Variants in MATR3 observed in about 807,000 individuals in gnomAD.
The protein encoded by MATR3 is matrin 3, also known as matrin-3.
In MATR3, 4 loss-of-function variants were observed where a neutral mutation model predicts 85.5. The observed-to-expected ratio is 0.05, with a 90% CI of 0.02 to 0.11. The LOEUF is 0.11. MATR3 is among the 10% of genes least tolerant of loss of function. MATR3 has a pLI of 1.00. For missense variants in MATR3, 685 were observed against 1,016.1 expected, an observed-to-expected ratio of 0.67 and a Z score of 4.43; for synonymous variants, 336 against 343.1, an observed-to-expected ratio of 0.98 and a Z score of 0.23.
intron 1 of MATR3, among the ~76,000 whole-genome samples, chr5:139,300,900 G>A (rs1468950453): frequency 1.3e-5 from 2 of 152,070 alleles, no homozygotes; most frequent in Non-Finnish European, 2.9e-5. Flanking sequence ...TGCAACCTCC[G>A]TCTTCTGGGT....
intron 9 of MATR3, among the ~76,000 whole-genome samples, chr5:139,319,838 C>A (rs1485582227): frequency 3.5e-5 from 5 of 141,712 alleles, no homozygotes; most frequent in Admixed American, 7.0e-5. Flanking sequence ...AGCGAGACTC[C>A]CAACTCAAAA....
Position 139,317,102 on chromosome 5 carries a change from A to G in MATR3, c.1179A>G (p.Arg393=), listed in dbSNP as rs747566193. Residue 393 remains arginine (R), a synonymous_variant, in exon 6 of 15, where the codon AGA becomes AGG. Coordinates refer to ENST00000394805, the MANE Select transcript of MATR3 (RefSeq NM_018834.6). ...GACCTAGACACATGCAGAAAGGCAGAGTGGTCAGTAATGAAGCTTTTGGTT... is the reference window on the plus strand; with the variant it reads ...GACCTAGACACATGCAGAAAGGCAGGGTGGTCAGTAATGAAGCTTTTGGTT... The part of the protein sequence containing the change: ...LQGPRHMQKG[R]VETSRVVHIM... 1.2e-6 allele frequency: 2 copies of G among 1,613,898 alleles called. No homozygotes were observed. Among genetic ancestry groups the G allele is most frequent in the Non-Finnish European group, 1.7e-6 (2 of 1,179,914 alleles).
In MATR3 at chr5:139,330,851, G is replaced by A. The variant is rs370405215; in HGVS notation, c.*1456G>A. On this transcript the variant is annotated 3_prime_UTR_variant, in exon 15 of 15. Transcript: ENST00000394805. Reference sequence around the variant, plus strand: ...CTCACTCTGTCACCCAGACTGGAGTGCAGTGGCACAGTTCTCTGCAACCTC... The same window carrying A: ...CTCACTCTGTCACCCAGACTGGAGTACAGTGGCACAGTTCTCTGCAACCTC... 1 of 454,070 alleles carries A rather than the reference G, an allele frequency of 2.2e-6. No individual in the cohort carries two copies. The highest frequency in any genetic ancestry group is 6.9e-5 in the East Asian group (1 of 14,402). 28.1% of individuals were successfully genotyped at this position (454,070 alleles called of 1,614,324 possible). A position where few individuals can be genotyped will look rare whatever the true frequency, so the allele number is the denominator to read the frequency against.
intron 5 of MATR3, among the ~76,000 whole-genome samples, chr5:139,316,718 T>C (rs1755263633): frequency 6.6e-6 from 1 of 152,098 alleles, no homozygotes; most frequent in African/African-American, 2.4e-5. Flanking sequence ...CCCAGCTAAT[T>C]TTTATATTTT....
intron 2 of MATR3, chr5:139,314,444 G>T (rs776301161): frequency 2.1e-6 from 1 of 479,744 alleles, no homozygotes; most frequent in Non-Finnish European, 3.8e-6. Flanking sequence ...TAAGTATGTT[G>T]ACAAGTTAAT....
chr5:139,289,240 A>G (rs1465816764), upstream of MATR3, among the ~76,000 whole-genome samples: 2 of 152,208 alleles, frequency 1.3e-5, no homozygotes, highest in African/African-American at 4.8e-5. Context: ...TTGCAGTTCC[A>G]CTTTCACAAT....
rs1253694869 is a variant in MATR3 at position 139,319,353 on chromosome 5, A to G, written c.1454A>G (p.Asp485Gly). ...TTAAAGAAACCTGAAGGAAAGCCAGATCAGAAGTTTGATCAAAAGCAAGAG... is the reference window on the plus strand; with the variant it reads ...TTAAAGAAACCTGAAGGAAAGCCAGGTCAGAAGTTTGATCAAAAGCAAGAG... ...KRIKKPEGKP[D>G]QKFDQKQELG... is the part of the protein sequence containing the mutation. Residue 485 changes from aspartate (D) to glycine (G), a missense_variant, in exon 9 of 15, where the codon GAT (aspartate) becomes GGT (glycine). By Grantham distance (94) the Asp-to-Gly change is moderately conservative. Transcript: ENST00000394805. The G allele has an allele frequency of 6.2e-7, 1 of 1,614,174 alleles. No homozygotes were observed. Among genetic ancestry groups the G allele is most frequent in the Non-Finnish European group, 8.5e-7 (1 of 1,180,044 alleles).
intron 10 of MATR3, 35 bp from the exon 11 acceptor site, chr5:139,322,428 A>G: frequency 6.3e-7 from 1 of 1,575,752 alleles, no homozygotes; most frequent in South Asian, 1.1e-5. Context: ...GTATTCTGCA[A>G]ATGTGTTAAC....
intron 3 of MATR3, among the ~76,000 whole-genome samples, chr5:139,282,150 G>C (rs980712648): frequency 6.6e-6 from 1 of 152,198 alleles, no homozygotes. Context: ...CTTAAAAAGA[G>C]TGACAATGAC....
chr5:139,301,509 TG>T (rs977446956), intron 1 of MATR3, among the ~76,000 whole-genome samples: 2 of 151,962 alleles, frequency 1.3e-5, no homozygotes, highest in African/African-American at 2.4e-5. Context: ...TTAGTAGAGA[TG>T]GGGTTTCAGC....
At chr5:139,313,475 C>G (rs79112904) in intron 2 of MATR3, 1 of 152,226 alleles carries the variant, frequency 6.6e-6, no homozygotes, top group Non-Finnish European at 1.5e-5. Context: ...AGATTCACAT[C>G]TTTGTAATTT....
chr5:139,276,980 CAGT>C (rs1198819874), intron 2 of MATR3, among the ~76,000 whole-genome samples: 1 of 152,110 alleles, frequency 6.6e-6, no homozygotes, highest in Non-Finnish European at 1.5e-5. Context: ...TTTGGGCTGA[CAGT>C]ATATTTGCTT....
Position 139,294,372 on chromosome 5 carries a change from C to T in MATR3, c.-178+567C>T, listed in dbSNP as rs577638841. Reference sequence around the variant, plus strand: ...GGAGGATTTCGCAGACTCTGAAGAGCCTGCTTGTTTGAGCAGCGTTTCTTT... The same window carrying T: ...GGAGGATTTCGCAGACTCTGAAGAGTCTGCTTGTTTGAGCAGCGTTTCTTT... On this transcript the variant is annotated intron_variant, in intron 1 of 14. Coordinates refer to ENST00000394805, the MANE Select transcript of MATR3 (RefSeq NM_018834.6). 7.9e-5 allele frequency among the ~76,000 whole-genome samples: 12 copies of T among 152,220 alleles called. No homozygotes were observed. In the East Asian group the frequency reaches 9.7e-4, roughly 12 times the overall value.
At chr5:139,311,144 A>G (rs1368562290) in intron 2 of MATR3, 2 of 151,958 alleles carry the variant, frequency 1.3e-5, no homozygotes, top group East Asian at 3.8e-4. Flanking sequence ...GCTTCCTTTC[A>G]CTTAAAGAAA....
intron 1 of MATR3, among the ~76,000 whole-genome samples, chr5:139,301,997 G>C (rs1316355525): frequency 6.6e-6 from 1 of 152,212 alleles, no homozygotes; most frequent in Non-Finnish European, 1.5e-5. Context: ...CTTCACGTCT[G>C]TTAGATGGAT....
upstream of MATR3, among the ~76,000 whole-genome samples, chr5:139,290,756 T>G (rs1753847367): frequency 6.6e-6 from 1 of 152,010 alleles, no homozygotes; most frequent in South Asian, 2.1e-4. Context: ...TGGCTTTAAG[T>G]TTATTTTTCA....
At position 139,294,066 on chromosome 5, in the gene MATR3, G is replaced by A. The variant is rs1347042007; in HGVS notation, c.-178+261G>A. 6 of 1,268,212 alleles carry A rather than the reference G, an allele frequency of 4.7e-6. No individual in the cohort carries two copies. In the South Asian group the frequency reaches 1.1e-4, roughly 22 times the overall value. 78.6% of individuals were successfully genotyped at this position (1,268,212 alleles called of 1,614,324 possible). On this transcript the variant is annotated intron_variant, in intron 1 of 14. Coordinates refer to ENST00000394805, the MANE Select transcript of MATR3 (RefSeq NM_018834.6). ...GGAGGGAAACACGCGGCCGGCCAAG[G>A]GCCCAGGGTGCGGCGGGAGATTTTG...
chr5:139,331,560 A>G lies in MATR3; in HGVS notation c.*2165A>G, dbSNP rs1324448909. 4.4e-6 allele frequency: 2 copies of G among 454,042 alleles called. 1 individual carries two copies. The highest frequency in any genetic ancestry group is 1.4e-4 in the East Asian group (2 of 14,416). The allele number at this position is 454,042 out of a possible 1,614,324, so 28.1% of individuals were successfully genotyped here. A position where few individuals can be genotyped will look rare whatever the true frequency, so the allele number is the denominator to read the frequency against. ...ACGAGAAAACCTCTTTTTAGTAGGA[A>G]TGTTTCCACTCATGTTTGCTGTAAA... On this transcript the variant is annotated 3_prime_UTR_variant, in exon 15 of 15. Coordinates refer to ENST00000394805, the MANE Select transcript of MATR3 (RefSeq NM_018834.6).
intron 3 of MATR3, among the ~76,000 whole-genome samples, chr5:139,284,668 T>C (rs1450954821): frequency 6.6e-6 from 1 of 152,192 alleles, no homozygotes. Flanking sequence ...AGACATCTGT[T>C]AACTAAAACA....
Sources: allele counts gnomAD v4.1 joint callset (sites outside exome capture counted in the v4.1 genomes callset), GRCh38; gene constraint gnomAD v4.1.1; transcripts MANE v1.5; gene names NCBI Gene and HGNC (gene_info 2026-07-23, HGNC 2026-07-21).